Variants in MTMR12 observed in about 807,000 individuals in gnomAD.
MTMR12 encodes myotubularin related protein 12, also known as myotubularin-related protein 12.
Under a neutral mutation model 96.7 loss-of-function variants are expected in MTMR12, and 33 were observed. The ratio of observed to expected loss-of-function variants is 0.34; its 90% CI spans 0.26 to 0.46. The LOEUF (loss-of-function observed/expected upper bound fraction) is 0.46. Ranked by LOEUF, MTMR12 falls within the 20% of genes least tolerant of loss-of-function variation. The pLI is 1.00. For missense variants in MTMR12, 721 were observed against 896.1 expected (o/e 0.80, Z 2.49); for synonymous variants, 298 against 327.2 (o/e 0.91, Z 0.96).
chr5:32,245,105 A>C (rs1272606946), intron 10 of MTMR12, among the ~76,000 whole-genome samples: 1 of 152,064 alleles, frequency 6.6e-6, no homozygotes, highest in Admixed American at 6.6e-5. Context: ...GCACAATCTC[A>C]GCTCACTGCA....
chr5:32,266,635 C>CCTCG lies in MTMR12; in HGVS notation c.583+2065_583+2066insCGAG, dbSNP rs1749606204. Among the ~76,000 whole-genome samples the CCTCG allele has an allele frequency of 3.3e-5, 5 of 151,480 alleles. 1 individual carries two copies. In the South Asian group the frequency reaches 1.0e-3, roughly 32 times the overall value. On this transcript the variant is annotated intron_variant, in intron 6 of 15. Transcript: ENST00000382142. The stretch of plus-strand genomic sequence containing the variant: ...CCCAGGAGGTGGAGGTTGCAGTGAG[C>CCTCG]CGAGATCCCGCCACTGCACTCCAGC...
chr5:32,296,827 G>A (rs1220388020), intron 1 of MTMR12, among the ~76,000 whole-genome samples: 1 of 150,366 alleles, frequency 6.7e-6, no homozygotes, highest in Non-Finnish European at 1.5e-5. Flanking sequence ...AAGTGGCCGG[G>A]CGCGGTGGCT....
At chr5:32,249,891 A>G (rs913831859) in intron 8 of MTMR12, among the ~76,000 whole-genome samples, 4 of 152,240 alleles carry the variant, frequency 2.6e-5, no homozygotes, top group Non-Finnish European at 5.9e-5. Flanking sequence ...AGTCCTGCAT[A>G]AAGGCCTGGC....
Position 32,235,051 on chromosome 5 carries a change from T to C in MTMR12, c.1423A>G (p.Thr475Ala). The C allele has an allele frequency of 6.2e-7, 1 of 1,614,036 alleles. No individual in the cohort carries two copies. Among genetic ancestry groups the C allele is most frequent in the Non-Finnish European group, 8.5e-7 (1 of 1,179,928 alleles). Reference protein sequence around the residue: ...QHPPAFEFTETYLTVLSDSLY... With the variant: ...QHPPAFEFTEAYLTVLSDSLY... Reference sequence around the variant, plus strand: ...CTATCTGACAAAACAGTCAGGTAAGTCTCTGTGAATTCAAATGCCGGGGGA... The same window carrying C: ...CTATCTGACAAAACAGTCAGGTAAGCCTCTGTGAATTCAAATGCCGGGGGA... The change falls in exon 14 of 16, where the codon ACT becomes GCT. Residue 475 changes from threonine to alanine, a missense_variant. Transcript: ENST00000382142.
chr5:32,306,082 G>A (rs1466639295), intron 1 of MTMR12, among the ~76,000 whole-genome samples: 2 of 152,104 alleles, frequency 1.3e-5, no homozygotes, highest in African/African-American at 4.8e-5. Context: ...TGCTACTAGA[G>A]AACACTACTA....
At position 32,260,730 on chromosome 5, in the gene MTMR12, G is replaced by A. The variant is rs183808862; in HGVS notation, c.713+2383C>T. Among the ~76,000 whole-genome samples the A allele has an allele frequency of 6.0e-5, 9 of 151,036 alleles. No individual in the cohort carries two copies. In the East Asian group the frequency reaches 7.9e-4, roughly 13 times the overall value. On this transcript the variant is annotated intron_variant, in intron 7 of 15. Coordinates refer to ENST00000382142, the MANE Select transcript of MTMR12 (RefSeq NM_001040446.3). ...TCACACTGTGAAGGCACTGCAGGGC[G>A]GGGGGGAGGGGGACCAGTGGCAGCA...
intron 1 of MTMR12, among the ~76,000 whole-genome samples, chr5:32,297,422 C>A (rs949241690): frequency 1.3e-5 from 2 of 152,188 alleles, no homozygotes; most frequent in Non-Finnish European, 2.9e-5. Context: ...TGTAACAAGT[C>A]TCCAGGGCAG....
intron 1 of MTMR12, among the ~76,000 whole-genome samples, chr5:32,284,743 T>C (rs967198530): frequency 1.3e-5 from 2 of 152,160 alleles, no homozygotes; most frequent in Non-Finnish European, 2.9e-5. Flanking sequence ...TCCTCACTTA[T>C]TCCACTAACT....
At position 32,227,076 on chromosome 5, in the gene MTMR12, T is replaced by C. The variant is rs1747767290; in HGVS notation, c.*2702A>G. On this transcript the variant is annotated 3_prime_UTR_variant, in exon 16 of 16. Transcript: ENST00000382142. ...AGTGAGATACAAGTATAAACTTTCATTGTGCATCCAGAAAATAAAAAGCAC... is the reference window on the plus strand; with the variant it reads ...AGTGAGATACAAGTATAAACTTTCACTGTGCATCCAGAAAATAAAAAGCAC... The C allele has an allele frequency of 6.5e-6, 1 of 152,780 alleles. No homozygotes were observed. The highest frequency in any genetic ancestry group is 6.5e-5 in the Admixed American group (1 of 15,296). 9.5% of individuals were successfully genotyped at this position (152,780 alleles called of 1,614,324 possible).
At chr5:32,270,641 C>A (rs59928961) in intron 5 of MTMR12, among the ~76,000 whole-genome samples, 176 bp downstream of exon 5, 2 of 152,140 alleles carry the variant, frequency 1.3e-5, no homozygotes, top group South Asian at 2.1e-4. Flanking sequence ...ATGATACACA[C>A]GCATGCTTTA....
chr5:32,241,629 ACTCACAG>A (rs1207552480), intron 12 of MTMR12, among the ~76,000 whole-genome samples: 3 of 152,182 alleles, frequency 2.0e-5, no homozygotes, highest in African/African-American at 7.2e-5. Flanking sequence ...AGGAAAAGGA[ACTCACAG>A]GCCACCAAGT....
intron 9 of MTMR12, 74 bp from the exon 10 acceptor site, chr5:32,248,200 A>G: frequency 6.5e-7 from 1 of 1,527,460 alleles, no homozygotes; most frequent in South Asian, 1.2e-5. Context: ...ACGTGCCACA[A>G]TCTGTGTTAA....
chr5:32,304,191 G>A (rs959376757), intron 1 of MTMR12, among the ~76,000 whole-genome samples: 2 of 152,018 alleles, frequency 1.3e-5, no homozygotes, highest in South Asian at 2.1e-4. Flanking sequence ...GTGGTGGCAC[G>A]TGCCTGTAGT....
At position 32,229,728 on chromosome 5, in the gene MTMR12, A is replaced by G. The variant is rs780572480; in HGVS notation, c.*50T>C. On this transcript the variant is annotated 3_prime_UTR_variant, in exon 16 of 16. Transcript: ENST00000382142. ...GTAGCGTGACACAAATCCAGGGATC[A>G]GCTGTCCCAATCTCCCACATTCCTC... 1 of 1,472,338 alleles carries G rather than the reference A, an allele frequency of 6.8e-7. No individual in the cohort carries two copies. The highest frequency in any genetic ancestry group is 1.5e-5 in the South Asian group (1 of 67,436). The allele number at this position is 1,472,338 out of a possible 1,614,324, so 91.2% of individuals were successfully genotyped here.
intron 1 of MTMR12, among the ~76,000 whole-genome samples, chr5:32,279,152 A>G (rs897058046): frequency 6.6e-6 from 1 of 150,456 alleles, no homozygotes; most frequent in Non-Finnish European, 1.5e-5. Context: ...CACACCTACA[A>G]TCCCAACACT....
At chr5:32,284,058 G>A (rs1750417622) in intron 1 of MTMR12, among the ~76,000 whole-genome samples, 1 of 152,048 alleles carries the variant, frequency 6.6e-6, no homozygotes, top group African/African-American at 2.4e-5. Flanking sequence ...TCACAGCACT[G>A]TTGGAGGCCA....
intron 1 of MTMR12, among the ~76,000 whole-genome samples, chr5:32,300,932 G>T (rs780424778): frequency 6.6e-6 from 1 of 152,034 alleles, no homozygotes; most frequent in South Asian, 2.1e-4. Flanking sequence ...AAAATTAGCC[G>T]GGTGTGGTGG....
chr5:32,289,830 G>T (rs1750677324), intron 1 of MTMR12, among the ~76,000 whole-genome samples: 1 of 152,226 alleles, frequency 6.6e-6, no homozygotes, highest in East Asian at 1.9e-4. Context: ...AGCCGTTAGA[G>T]CTGCCTCTAC....
intron 1 of MTMR12, among the ~76,000 whole-genome samples, chr5:32,300,328 C>T (rs74578381): frequency 0.015 from 2,340 of 152,240 alleles, 30 homozygotes; most frequent in Non-Finnish European, 0.024. Context: ...CACCTATTCA[C>T]GTTACAGGTA....
Sources: allele counts gnomAD v4.1 joint callset (sites outside exome capture counted in the v4.1 genomes callset), GRCh38; gene constraint gnomAD v4.1.1; transcripts MANE v1.5; gene names NCBI Gene and HGNC (gene_info 2026-07-23, HGNC 2026-07-21).